CYP2R1: variants seen among roughly 807,000 people sequenced by gnomAD.
CYP2R1 encodes the protein vitamin D 25-hydroxylase.
Under a neutral mutation model 45.7 loss-of-function variants are expected in CYP2R1, and 40 were observed. The observed-to-expected ratio is 0.87, with a 90% CI of 0.68 to 1.14. The LOEUF (loss-of-function observed/expected upper bound fraction) is 1.14. Ranked by LOEUF, CYP2R1 falls within the 50% of genes most tolerant of loss-of-function variation. The pLI, the probability that CYP2R1 is intolerant of heterozygous loss-of-function variation, is 0.00. For synonymous variants in CYP2R1, 234 were observed against 219.3 expected, an observed-to-expected ratio of 1.07 and a Z score of -0.59; for missense variants, 605 against 602.6, an observed-to-expected ratio of 1.00 and a Z score of -0.04.
chr11:14,890,820 T>G, intron 1 of CYP2R1: 12 of 972,424 alleles, frequency 1.2e-5, no homozygotes, highest in Non-Finnish European at 1.3e-5. Flanking sequence ...AGTGCTGGGA[T>G]TATAGGCGTG....
chr11:14,891,326 G>A, intron 1 of CYP2R1: 1 of 985,462 alleles, frequency 1.0e-6, no homozygotes, highest in Non-Finnish European at 1.2e-6. Flanking sequence ...TTAAGTATCT[G>A]CTAAGGTGCC....
In CYP2R1 at chr11:14,884,689, TA is replaced by T. The variant is rs1293972881; in HGVS notation, c.367+1086del. Among the ~76,000 whole-genome samples, 3 of 151,556 alleles carry T rather than the reference TA, an allele frequency of 2.0e-5. No homozygotes were observed. The East Asian group carries it at 5.8e-4, about 29-fold the overall frequency. ...TAAAACTTAAAGTATAATAATAATTTAAAAAAATAAAAATTAAAAAAAGAAA... is the reference window on the plus strand; with the variant it reads ...TAAAACTTAAAGTATAATAATAATTTAAAAAATAAAAATTAAAAAAAGAAA... On this transcript the variant is annotated intron_variant, in intron 2 of 4. Transcript: ENST00000334636.
rs1848214304 is a variant in CYP2R1, at chr11:14,877,849, G to A, written c.*273C>T. 2 of 394,792 alleles carry A rather than the reference G, an allele frequency of 5.1e-6. No homozygotes were observed. The highest frequency in any genetic ancestry group is 7.9e-5 in the South Asian group (2 of 25,204). 24.5% of individuals were successfully genotyped at this position (394,792 alleles called of 1,614,324 possible). On this transcript the variant is annotated 3_prime_UTR_variant, in exon 5 of 5. Transcript: ENST00000334636. ...TACTAAACAAGATGCTCAGCTTAGG[G>A]CGTCCATGACCCTTCTTAGCATTTT...
In CYP2R1 at chr11:14,880,729, T is replaced by A; in HGVS notation, c.407A>T (p.His136Leu). The change falls in exon 3 of 5, where the codon CAC becomes CTC. Residue 136 changes from histidine to leucine, a missense_variant. By Grantham distance (99) the His-to-Leu change is moderately conservative. Coordinates refer to ENST00000334636, the MANE Select transcript of CYP2R1 (RefSeq NM_024514.5). ...AAAACTGTTTACAGCTAATCGTCTGTGATCAACCCATCCTCGGCCATATCT... is the reference window on the plus strand; with the variant it reads ...AAAACTGTTTACAGCTAATCGTCTGAGATCAACCCATCCTCGGCCATATCT... ...NSRYGRGWVD[H>L]RRLAVNSFRY... The A allele has an allele frequency of 6.2e-7, 1 of 1,605,576 alleles. No homozygotes were observed. Among genetic ancestry groups the A allele is most frequent in the Non-Finnish European group, 8.5e-7 (1 of 1,177,552 alleles).
intron 1 of CYP2R1, chr11:14,891,460 T>A: frequency 1.0e-6 from 1 of 986,136 alleles, no homozygotes; most frequent in Non-Finnish European, 1.2e-6. Flanking sequence ...TCAGGGGCGT[T>A]CCCCTGCATT....
intron 4 of CYP2R1, among the ~76,000 whole-genome samples, chr11:14,878,516 G>A (rs970327535): frequency 3.3e-5 from 5 of 152,070 alleles, no homozygotes; most frequent in African/African-American, 1.2e-4. Context: ...ACGGACTTTT[G>A]TAAGACTTTA....
At chr11:14,891,648 T>A (rs1370288997) in intron 1 of CYP2R1, 1 of 1,149,538 alleles carries the variant, frequency 8.7e-7, no homozygotes, top group Non-Finnish European at 1.1e-6. Flanking sequence ...GCGTCCACCC[T>A]GGACCTGAAG....
At chr11:14,880,792 G>A in intron 2 of CYP2R1, 24 bp from the exon 3 acceptor site, 1 of 1,587,724 alleles carries the variant, frequency 6.3e-7, no homozygotes, top group Non-Finnish European at 8.6e-7. Context: ...TTAAAATATT[G>A]TATAATTCCT....
intron 1 of CYP2R1, chr11:14,891,709 G>C (rs1848864988): frequency 8.1e-7 from 1 of 1,241,218 alleles, no homozygotes; most frequent in Non-Finnish European, 1.0e-6. Context: ...GCAAGAGCTC[G>C]AGCGGTAGCG....
At position 14,892,148 on chromosome 11, in the gene CYP2R1, G is replaced by C. The variant is rs1178236926; in HGVS notation, c.58C>G (p.Leu20Val). 2 of 1,611,202 alleles carry C rather than the reference G, an allele frequency of 1.2e-6. No homozygotes were observed. Among genetic ancestry groups the C allele is most frequent in the East Asian group, 4.5e-5 (2 of 44,860 alleles). Residue 20 changes from leucine (L) to valine (V), a missense_variant, in exon 1 of 5, where the codon CTG (leucine) becomes GTG (valine). Transcript: ENST00000334636. ...CGGACCCCTAGCGCGAAGAGCAGCAGGAAGAGCGCGCCGCCGAGCGCCGCC... is the reference window on the plus strand; with the variant it reads ...CGGACCCCTAGCGCGAAGAGCAGCACGAAGAGCGCGCCGCCGAGCGCCGCC... Reference protein sequence around the residue: ...GAAALGGALFLLLFALGVRQL... With the variant: ...GAAALGGALFVLLFALGVRQL...
chr11:14,889,005 G>T (rs1267901576), intron 1 of CYP2R1, among the ~76,000 whole-genome samples: 1 of 152,132 alleles, frequency 6.6e-6, no homozygotes, highest in Non-Finnish European at 1.5e-5. Context: ...TTTTCAGTGT[G>T]ATACACTTCT....
Position 14,882,025 on chromosome 11 carries a change from T to C in CYP2R1, c.368-1257A>G, listed in dbSNP as rs185379945. On this transcript the variant is annotated intron_variant, in intron 2 of 4. Transcript: ENST00000334636. ...CAATAATTTTTGAATGTAGAACTTA[T>C]TAAAAAGTTACTGTAAGGGGGTCAT... Among the ~76,000 whole-genome samples the C allele has an allele frequency of 4.6e-5, 7 of 152,276 alleles. No individual in the cohort carries two copies. The East Asian group carries it at 1.2e-3, about 25-fold the overall frequency.
intron 2 of CYP2R1, among the ~76,000 whole-genome samples, chr11:14,883,293 G>T (rs1254201144): frequency 1.3e-5 from 2 of 151,926 alleles, no homozygotes; most frequent in Admixed American, 1.3e-4. Flanking sequence ...ATACTACAAG[G>T]CTACACTAAC....
chr11:14,892,220 G>A lies in CYP2R1; in HGVS notation c.-15C>T, dbSNP rs782032482. On this transcript the variant is annotated 5_prime_UTR_variant, in exon 1 of 5. Coordinates refer to ENST00000334636, the MANE Select transcript of CYP2R1 (RefSeq NM_024514.5). ...AGCTTCCACATCGGCCCGAGCTGGA[G>A]GTGCGAACTCCACAGCAGCCCTGAG... 1.9e-6 allele frequency: 3 copies of A among 1,606,752 alleles called. No individual in the cohort carries two copies. The highest frequency in any genetic ancestry group is 4.5e-5 in the East Asian group (2 of 44,798).
At position 14,878,315 on chromosome 11, in the gene CYP2R1, A is replaced by G. The variant is rs782220639; in HGVS notation, c.1331-18T>C. 1 of 1,611,912 alleles carries G rather than the reference A, an allele frequency of 6.2e-7. No individual in the cohort carries two copies. Among genetic ancestry groups the G allele is most frequent in the South Asian group, 1.1e-5 (1 of 90,892 alleles). On this transcript the variant is annotated intron_variant, in intron 4 of 4. Transcript: ENST00000334636. ...TCTTCTTCCTAAACAGAAAAAGCAG[A>G]TACAATAATTTTTTAAACCCACAAT...
chr11:14,880,831 A>C (rs1848354542), intron 2 of CYP2R1, 63 bp from the exon 3 acceptor site: 1 of 1,499,606 alleles, frequency 6.7e-7, no homozygotes, highest in African/African-American at 1.4e-5. Context: ...AATGAAAGGG[A>C]ACAAAATTTT....
chr11:14,884,111 AAGTC>A (rs1236946961), intron 2 of CYP2R1, among the ~76,000 whole-genome samples: 1 of 152,078 alleles, frequency 6.6e-6, no homozygotes, highest in Non-Finnish European at 1.5e-5. Flanking sequence ...ACCATTGTGG[AAGTC>A]AGTGTGGCGA....
intron 1 of CYP2R1, 73 bp downstream of exon 1, chr11:14,891,908 C>T (rs2134120745): frequency 6.5e-7 from 1 of 1,544,036 alleles, no homozygotes; most frequent in Non-Finnish European, 8.8e-7. Flanking sequence ...GGCCATAAGT[C>T]CAACCAGGAA....
intron 1 of CYP2R1, among the ~76,000 whole-genome samples, chr11:14,888,046 T>A (rs781901660): frequency 2.6e-5 from 4 of 152,248 alleles, no homozygotes; most frequent in Non-Finnish European, 5.9e-5. Context: ...TTGATATTCC[T>A]ATAGCTTGCT....
Sources: allele counts gnomAD v4.1 joint callset (sites outside exome capture counted in the v4.1 genomes callset), GRCh38; gene constraint gnomAD v4.1.1; transcripts MANE v1.5; gene names NCBI Gene and HGNC (gene_info 2026-07-23, HGNC 2026-07-21).